ZBP1: variants seen among roughly 807,000 people sequenced by gnomAD.
ZBP1 encodes the protein Z-DNA-binding protein 1.
In ZBP1, 42 loss-of-function variants were observed where a neutral mutation model predicts 41.1. That is an observed-to-expected ratio of 1.02 (90% CI 0.80 to 1.32). The LOEUF is 1.32. Among genes scored for constraint, ZBP1 ranks in the 40% most tolerant of loss-of-function variants. The pLI is 0.00. For missense variants in ZBP1, 562 were observed against 549.7 expected, an observed-to-expected ratio of 1.02 and a Z score of -0.22; for synonymous variants, 214 against 205.2, an observed-to-expected ratio of 1.04 and a Z score of -0.37.
intron 1 of ZBP1, chr20:57,617,854 G>GGA (rs772095009): frequency 1.3e-4 from 17 of 132,658 alleles, no homozygotes; most frequent in Admixed American, 6.1e-4. Context: ...CCCATCTCTG[G>GGA]AAAAAAAAAA....
chr20:57,609,628 T>A (rs960308973), intron 7 of ZBP1, among the ~76,000 whole-genome samples: 2 of 151,950 alleles, frequency 1.3e-5, no homozygotes, highest in African/African-American at 4.8e-5. Flanking sequence ...CCTGGTCTGC[T>A]ACCCTCACCC....
intron 6 of ZBP1, 67 bp downstream of exon 6, chr20:57,611,660 C>A: frequency 6.7e-7 from 1 of 1,491,438 alleles, no homozygotes; most frequent in African/African-American, 1.4e-5. Context: ...AAGATTCTGG[C>A]TCCAGTTCCT....
chr20:57,614,655 TC>T (rs1395843389), intron 4 of ZBP1, among the ~76,000 whole-genome samples: 1 of 152,168 alleles, frequency 6.6e-6, no homozygotes, highest in African/African-American at 2.4e-5. Flanking sequence ...TCCGTCCCAT[TC>T]ACTGGCCTTC....
intron 2 of ZBP1, 178 bp downstream of exon 2, chr20:57,616,066 C>T: frequency 1.5e-6 from 1 of 658,610 alleles, no homozygotes; most frequent in Non-Finnish European, 2.6e-6. Context: ...GCAACCCCTA[C>T]CAAGCAGCCC....
Position 57,604,157 on chromosome 20 carries a change from G to A in ZBP1, c.*416C>T, listed in dbSNP as rs534276107. On this transcript the variant is annotated 3_prime_UTR_variant, in exon 8 of 8. Transcript: ENST00000371173. ...CAAAGTGCTGGGATTACAGGCGTGA[G>A]CCACTGCACCCAGTTGGGATTATGT... The A allele has an allele frequency of 1.2e-5, 4 of 332,744 alleles. No homozygotes were observed. The highest frequency in any genetic ancestry group is 6.5e-5 in the African/African-American group (3 of 46,344). The allele number at this position is 332,744 out of a possible 1,614,324, so 20.6% of individuals were successfully genotyped here. A position where few individuals can be genotyped will look rare whatever the true frequency, so the allele number is the denominator to read the frequency against.
At chr20:57,605,926 C>T (rs530608451) in intron 7 of ZBP1, among the ~76,000 whole-genome samples, 1 of 151,832 alleles carries the variant, frequency 6.6e-6, no homozygotes, top group African/African-American at 2.4e-5. Context: ...GAGAGCAAAA[C>T]TCCATCTCAA....
chr20:57,605,184 C>A (rs117655647), intron 7 of ZBP1, among the ~76,000 whole-genome samples: 3 of 152,302 alleles, frequency 2.0e-5, no homozygotes, highest in South Asian at 2.1e-4. Flanking sequence ...AGGTCCCGCC[C>A]GCCACTCAAG....
At position 57,613,105 on chromosome 20, in the gene ZBP1, A is replaced by G; in HGVS notation, c.670+58T>C. 6.3e-7 allele frequency: 1 copy of G among 1,599,772 alleles called. No homozygotes were observed. The highest frequency in any genetic ancestry group is 1.1e-5 in the South Asian group (1 of 90,328). Reference sequence around the variant, plus strand: ...CCATCCCTACCCTTTGCCCCCACCCAGAGGATCCGGTGGCTCCCCACCGAG... The same window carrying G: ...CCATCCCTACCCTTTGCCCCCACCCGGAGGATCCGGTGGCTCCCCACCGAG... On this transcript the variant is annotated intron_variant, in intron 5 of 7. Coordinates refer to ENST00000371173, the MANE Select transcript of ZBP1 (RefSeq NM_030776.3). This position sits in a 1 kb window ranked among gnomAD's most constrained non-coding sequence, Gnocchi z 4.5.
At chr20:57,611,579 C>G in intron 6 of ZBP1, 148 bp downstream of exon 6, 2 of 911,858 alleles carry the variant, frequency 2.2e-6, no homozygotes, top group Non-Finnish European at 1.6e-6. Context: ...TTTAAAAGCC[C>G]CACCTGCTCT....
intron 6 of ZBP1, 71 bp downstream of exon 6, chr20:57,611,656 C>T: frequency 6.8e-7 from 1 of 1,461,258 alleles, no homozygotes; most frequent in Non-Finnish European, 9.2e-7. Context: ...CAAAAAGATT[C>T]TGGCTCCAGT....
intron 7 of ZBP1, among the ~76,000 whole-genome samples, chr20:57,609,565 C>T (rs1053088705): frequency 4.0e-5 from 6 of 151,826 alleles, no homozygotes; most frequent in Non-Finnish European, 8.8e-5. Flanking sequence ...AAGTTCAACC[C>T]CACAGATGAG....
In ZBP1 at chr20:57,604,900, T is replaced by A. The variant is rs897279074; in HGVS notation, c.1094-131A>T. 12 of 896,604 alleles carry A rather than the reference T, an allele frequency of 1.3e-5. No homozygotes were observed. The African/African-American group carries it at 2.0e-4, about 15-fold the overall frequency. The allele number at this position is 896,604 out of a possible 1,614,324, so 55.5% of individuals were successfully genotyped here. A position where few individuals can be genotyped will look rare whatever the true frequency, so the allele number is the denominator to read the frequency against. ...TTACTGTCTTTAGATTTGTACAAAG[T>A]CTTGAACAGGGAGCCCCACCTTTTC... is the stretch of plus-strand genomic sequence containing the variant. On this transcript the variant is annotated intron_variant, in intron 7 of 7. Transcript: ENST00000371173.
At chr20:57,612,429 A>G (rs2070698767) in intron 5 of ZBP1, among the ~76,000 whole-genome samples, 1 of 152,252 alleles carries the variant, frequency 6.6e-6, no homozygotes, top group Admixed American at 6.5e-5. Flanking sequence ...GGCCAGAATC[A>G]GGAAGGTGGG....
chr20:57,619,852 T>C (rs1200288999), intron 1 of ZBP1, among the ~76,000 whole-genome samples: 1 of 151,008 alleles, frequency 6.6e-6, no homozygotes, highest in Non-Finnish European at 1.5e-5. Context: ...TTTTTTTTTT[T>C]CTGAGATGGA....
chr20:57,618,595 T>G (rs1467511313), intron 1 of ZBP1, among the ~76,000 whole-genome samples: 4 of 152,188 alleles, frequency 2.6e-5, no homozygotes, highest in African/African-American at 9.7e-5. Context: ...GTTTTTTGGT[T>G]TTGAGATGGA....
rs1272735367 is a variant in ZBP1, at chr20:57,604,289, T to TC, written c.*283dup. The TC allele has an allele frequency of 1.7e-6, 1 of 574,864 alleles. No individual in the cohort carries two copies. Among genetic ancestry groups the TC allele is most frequent in the African/African-American group, 1.9e-5 (1 of 53,958 alleles). 35.6% of individuals were successfully genotyped at this position (574,864 alleles called of 1,614,324 possible). On this transcript the variant is annotated 3_prime_UTR_variant, in exon 8 of 8. Coordinates refer to ENST00000371173, the MANE Select transcript of ZBP1 (RefSeq NM_030776.3). The stretch of plus-strand genomic sequence containing the variant: ...CGAGCCCAGGAAAGAGTGGAGAGAG[T>TC]CCCCTGGGCCTGGGGGACCGAGCCC...
At chr20:57,614,332 A>G (rs955898589) in intron 4 of ZBP1, among the ~76,000 whole-genome samples, 5 of 152,138 alleles carry the variant, frequency 3.3e-5, no homozygotes, top group Admixed American at 1.3e-4. Context: ...TGCCTGGCCC[A>G]TTTTTAGATA....
In ZBP1 at chr20:57,616,249, C is replaced by T. The variant is rs775525488; in HGVS notation, c.254G>A (p.Ser85Asn). ...CTCCCCGGGGTGGCAGTTACCAGGG[C>T]TGGACAAGGCCAGCTCTGCAGGACC... ...GEGPAELALS[S>N]PAERPQQHAA... The change falls in exon 2 of 8, where the codon AGC (serine) becomes AAC (asparagine). Residue 85 changes from serine (S) to asparagine (N), a missense_variant. Physicochemically the swap from Ser to Asn is conservative, Grantham distance 46. Transcript: ENST00000371173. 11 of 1,614,188 alleles carry T rather than the reference C, an allele frequency of 6.8e-6. No individual in the cohort carries two copies. The highest frequency in any genetic ancestry group is 9.3e-6 in the Non-Finnish European group (11 of 1,180,026).
At chr20:57,612,797 G>T (rs759565353) in intron 5 of ZBP1, 3 of 661,586 alleles carry the variant, frequency 4.5e-6, no homozygotes, top group South Asian at 4.2e-5. Flanking sequence ...AGCATTCCGC[G>T]GAGGGAAAGG....
Sources: gnomAD v4.1 joint callset for allele counts (sites outside exome capture counted in the v4.1 genomes callset) on GRCh38, gnomAD v4.1.1 for gene constraint, Gnocchi (gnomAD v3.1) non-coding constraint, MANE v1.5 for transcripts, NCBI Gene and HGNC (gene_info 2026-07-23, HGNC 2026-07-21) for gene names.